Variants in RIPK1 observed in about 807,000 individuals in gnomAD.
RIPK1 encodes receptor interacting serine/threonine kinase 1, also known as receptor-interacting serine/threonine-protein kinase 1.
A neutral mutation model predicts 62.4 loss-of-function variants in RIPK1; 27 were observed. The ratio of observed to expected loss-of-function variants is 0.43; its 90% CI spans 0.32 to 0.60. The LOEUF is 0.60. Among genes scored for constraint, RIPK1 ranks in the 20% least tolerant of loss-of-function variants. The pLI, the probability that RIPK1 is intolerant of heterozygous loss-of-function variation, is 0.07. For synonymous variants in RIPK1, 287 were observed against 303.2 expected, an observed-to-expected ratio of 0.95 and a Z score of 0.55; for missense variants, 735 against 831.0, an observed-to-expected ratio of 0.88 and a Z score of 1.42.
intron 7 of RIPK1, among the ~76,000 whole-genome samples, chr6:3,090,533 G>C (rs1002049331): frequency 6.6e-6 from 1 of 152,084 alleles, no homozygotes; most frequent in African/African-American, 2.4e-5. Flanking sequence ...CGCTTTAAAT[G>C]TGGATCCACC....
chr6:3,112,974 G>T, intron 10 of RIPK1, 79 bp from the exon 11 acceptor site: 1 of 1,240,714 alleles, frequency 8.1e-7, no homozygotes, highest in East Asian at 2.5e-5. Flanking sequence ...CATTTCACTT[G>T]GGTTTTTTAG....
At chr6:3,108,251 C>T (rs1192414393) in intron 9 of RIPK1, among the ~76,000 whole-genome samples, 1 of 151,782 alleles carries the variant, frequency 6.6e-6, no homozygotes, top group Non-Finnish European at 1.5e-5. Flanking sequence ...CTGCTTGTGC[C>T]GGTCACTATA....
At position 3,089,663 on chromosome 6, in the gene RIPK1, C is replaced by T; in HGVS notation, c.915+6C>T. 2 of 1,488,758 alleles carry T rather than the reference C, an allele frequency of 1.3e-6. No individual in the cohort carries two copies. Among genetic ancestry groups the T allele is most frequent in the Non-Finnish European group, 1.9e-6 (2 of 1,080,148 alleles). The allele number at this position is 1,488,758 out of a possible 1,614,324, so 92.2% of individuals were successfully genotyped here. On this transcript the variant is annotated splice_donor_region_variant and intron_variant, in intron 7 of 10. Coordinates refer to ENST00000259808, the MANE Select transcript of RIPK1 (RefSeq NM_001354930.2). ...AGGACGTGAAGAGTTTAAAGGTAGG[C>T]AATATAGCAGATGCTCAAAATATTA...
At chr6:3,083,721 A>G (rs1759541813) in intron 5 of RIPK1, among the ~76,000 whole-genome samples, 2 of 152,214 alleles carry the variant, frequency 1.3e-5, no homozygotes, top group South Asian at 4.1e-4. Flanking sequence ...TGTTAAGTGC[A>G]TAAACTGATG....
chr6:3,109,178 T>C (rs17513527), intron 9 of RIPK1, among the ~76,000 whole-genome samples: 5,813 of 152,132 alleles, frequency 0.038, 356 homozygotes, highest in African/African-American at 0.13. Flanking sequence ...CACATTCTAG[T>C]GGAGAAGTCA....
chr6:3,067,806 G>A (rs1313437653), upstream of RIPK1, among the ~76,000 whole-genome samples: 1 of 151,350 alleles, frequency 6.6e-6, no homozygotes, highest in African/African-American at 2.4e-5. Context: ...GCAGTGGCGC[G>A]ATCTCGGCTC....
At position 3,077,859 on chromosome 6, in the gene RIPK1, TCATAGA is replaced by T; in HGVS notation, c.246_251del (p.Ile82_Glu84delinsMet). ...CGGGTGGTGAAGCTCCTGGGCGTCA[TCATAGA>T]GGAAGGGAAGTACTCCCTGGTGATG... is the stretch of plus-strand genomic sequence containing the variant. On this transcript the variant is annotated inframe_deletion, in exon 3 of 11. Transcript: ENST00000259808. 1.2e-6 allele frequency: 2 copies of T among 1,614,102 alleles called. No individual in the cohort carries two copies. The highest frequency in any genetic ancestry group is 1.7e-6 in the Non-Finnish European group (2 of 1,179,990).
chr6:3,077,586 A>G (rs1284295562), intron 2 of RIPK1, among the ~76,000 whole-genome samples, 193 bp from the exon 3 acceptor site: 1 of 152,102 alleles, frequency 6.6e-6, no homozygotes, highest in African/African-American at 2.4e-5. Context: ...ATGCACTGCC[A>G]GTTACTGGGC....
intron 3 of RIPK1, among the ~76,000 whole-genome samples, chr6:3,078,359 C>A (rs1759201868): frequency 1.3e-5 from 2 of 152,152 alleles, no homozygotes; most frequent in African/African-American, 4.8e-5. Flanking sequence ...GTGAACAGAG[C>A]AAGACCCTGT....
Position 3,078,305 on chromosome 6 carries a change from A to T in RIPK1, c.321+370A>T, listed in dbSNP as rs1000485531. Among the ~76,000 whole-genome samples the T allele has an allele frequency of 2.6e-5, 4 of 152,320 alleles. No homozygotes were observed. The East Asian group carries it at 7.7e-4, about 29-fold the overall frequency. On this transcript the variant is annotated intron_variant, in intron 3 of 10. Coordinates refer to ENST00000259808, the MANE Select transcript of RIPK1 (RefSeq NM_001354930.2). ...GCCTTGGTGCTCAAGACCAGCCTGG[A>T]TAACACAGTGAAATCCCCTCTCTAC...
intron 9 of RIPK1, among the ~76,000 whole-genome samples, chr6:3,110,082 A>G (rs58959153): frequency 0.023 from 3,515 of 152,310 alleles, 81 homozygotes; most frequent in East Asian, 0.071. Flanking sequence ...ATAATGCTGC[A>G]GTGAACACGT....
At chr6:3,107,216 C>T (rs1461739316) in intron 9 of RIPK1, among the ~76,000 whole-genome samples, 1 of 150,560 alleles carries the variant, frequency 6.6e-6, no homozygotes, top group African/African-American at 2.5e-5. Flanking sequence ...CATGCCACTG[C>T]ACTCCAGCCT....
At chr6:3,068,269 G>T, upstream of RIPK1, 1 of 985,574 alleles carries the variant, frequency 1.0e-6, no homozygotes. Context: ...AATCCACCCA[G>T]TGCTTCCCTC....
chr6:3,065,945 T>C (rs73718955), upstream of RIPK1, among the ~76,000 whole-genome samples: 1,390 of 152,304 alleles, frequency 9.1e-3, 21 homozygotes, highest in African/African-American at 0.031. Context: ...CCTCCCAAGG[T>C]CACATGATGT....
intron 7 of RIPK1, 29 bp from the exon 8 acceptor site, chr6:3,104,196 A>G: frequency 2.0e-6 from 2 of 1,020,434 alleles, no homozygotes; most frequent in South Asian, 1.4e-5. Flanking sequence ...GCTGTTCACT[A>G]AAGTGTGTAT....
At chr6:3,087,775 G>A (rs1035053545) in intron 6 of RIPK1, among the ~76,000 whole-genome samples, 10 of 114,904 alleles carry the variant, frequency 8.7e-5, no homozygotes, top group African/African-American at 2.7e-4. Context: ...TCCTGACCTT[G>A]TGATCAGCCC....
At chr6:3,096,042 G>A (rs1018327744) in intron 7 of RIPK1, among the ~76,000 whole-genome samples, 4 of 152,088 alleles carry the variant, frequency 2.6e-5, no homozygotes, top group Admixed American at 6.6e-5. Flanking sequence ...TTGCCATGTT[G>A]CCCAGGCTGG....
intron 7 of RIPK1, among the ~76,000 whole-genome samples, chr6:3,094,492 C>A (rs1432945574): frequency 2.6e-5 from 4 of 151,616 alleles, no homozygotes; most frequent in Non-Finnish European, 5.9e-5. Context: ...ATATTTTTCA[C>A]TGAAGGCTAA....
chr6:3,076,701 T>TACATATATATATATATATA (rs140553992), intron 1 of RIPK1, 63 bp from the exon 2 acceptor site: 32 of 243,906 alleles, frequency 1.3e-4, no homozygotes, highest in Non-Finnish European at 1.9e-4. Context: ...AAAAAAAACA[T>TACATATATATATATATATA]ATATATATAT....
Sources: allele counts gnomAD v4.1 joint callset (sites outside exome capture counted in the v4.1 genomes callset), GRCh38; gene constraint gnomAD v4.1.1; transcripts MANE v1.5; gene names NCBI Gene and HGNC (gene_info 2026-07-23, HGNC 2026-07-21).